TAMM41: variants seen among roughly 807,000 people sequenced by gnomAD.
TAMM41 encodes TAM41 mitochondrial translocator assembly and maintenance homolog.
TAMM41 carries 36 observed loss-of-function variants against 44.1 expected under a neutral mutation model. The ratio of observed to expected loss-of-function variants is 0.82; its 90% CI spans 0.63 to 1.08. The LOEUF (loss-of-function observed/expected upper bound fraction) is 1.08. TAMM41 is among the 50% of genes least tolerant of loss of function. The pLI is 0.00. For missense variants in TAMM41, 417 were observed against 404.3 expected (o/e 1.03, Z -0.27); for synonymous variants, 164 against 153.1 (o/e 1.07, Z -0.53).
At chr3:11,766,851 G>A in the TAMM41 span, among the ~76,000 whole-genome samples, 2 of 152,106 alleles carry the variant, frequency 1.3e-5, no homozygotes. Context: ...TTACAGGTGT[G>A]AGCCACTGCA....
the TAMM41 span, among the ~76,000 whole-genome samples, chr3:11,769,223 G>T: frequency 6.6e-6 from 1 of 152,322 alleles, no homozygotes; most frequent in Non-Finnish European, 1.5e-5. Flanking sequence ...CTGAGTAGCT[G>T]GGATTACAGG....
At chr3:11,827,634 A>AG (rs1256676019) in intron 4 of TAMM41, among the ~76,000 whole-genome samples, 1 of 134,776 alleles carries the variant, frequency 7.4e-6, no homozygotes, top group Non-Finnish European at 1.5e-5. Context: ...AACAGAAAAG[A>AG]GGAAAAAAAA....
the TAMM41 span, among the ~76,000 whole-genome samples, chr3:11,754,633 A>C: frequency 6.6e-6 from 1 of 151,544 alleles, no homozygotes; most frequent in Non-Finnish European, 1.5e-5. Context: ...ACTCCCAAAA[A>C]TGCTGGGATT....
At chr3:11,764,288 G>T in the TAMM41 span, among the ~76,000 whole-genome samples, 1 of 151,184 alleles carries the variant, frequency 6.6e-6, no homozygotes, top group South Asian at 2.1e-4. Context: ...GAGCCATGGC[G>T]CCCAGACCTG....
the TAMM41 span, among the ~76,000 whole-genome samples, chr3:11,752,274 C>T: frequency 6.6e-6 from 1 of 151,950 alleles, no homozygotes; most frequent in Non-Finnish European, 1.5e-5. Context: ...TGACAGGGGC[C>T]CAAAGAGTGA....
chr3:11,806,179 G>A (rs1477553008), intron 7 of TAMM41, among the ~76,000 whole-genome samples: 1 of 152,176 alleles, frequency 6.6e-6, no homozygotes, highest in African/African-American at 2.4e-5. Context: ...TTTATTAGCA[G>A]CATGAGAACA....
the TAMM41 span, among the ~76,000 whole-genome samples, chr3:11,722,723 C>A: frequency 6.6e-6 from 1 of 152,110 alleles, no homozygotes; most frequent in Non-Finnish European, 1.5e-5. Context: ...GTAATCCCAG[C>A]ACTTTGGGAG....
intron 4 of TAMM41, among the ~76,000 whole-genome samples, chr3:11,829,278 C>G (rs971139229): frequency 3.3e-5 from 5 of 152,080 alleles, no homozygotes; most frequent in Non-Finnish European, 7.4e-5. Context: ...AATCAACTGT[C>G]TGGGGTAGGG....
the TAMM41 span, among the ~76,000 whole-genome samples, chr3:11,784,869 C>T: frequency 6.2e-5 from 9 of 144,748 alleles, no homozygotes; most frequent in African/African-American, 1.8e-4. Flanking sequence ...GTGGCGCAAT[C>T]GTGGCTCACT....
chr3:11,791,278 G>A (rs2077471848), intron 7 of TAMM41, among the ~76,000 whole-genome samples: 1 of 152,206 alleles, frequency 6.6e-6, no homozygotes, highest in South Asian at 2.1e-4. Context: ...GAAATGACAA[G>A]ACAAATGTGC....
chr3:11,774,154 T>C, the TAMM41 span, among the ~76,000 whole-genome samples: 1 of 152,148 alleles, frequency 6.6e-6, no homozygotes, highest in Non-Finnish European at 1.5e-5. Context: ...CAAAGGAAGC[T>C]ATAATTTCCA....
At chr3:11,819,434 T>A (rs375412245) in intron 4 of TAMM41, among the ~76,000 whole-genome samples, 8 of 152,206 alleles carry the variant, frequency 5.3e-5, no homozygotes, top group Middle Eastern at 3.2e-3. Context: ...ACTACATATA[T>A]AAAATTGCTC....
intron 5 of TAMM41, chr3:11,810,041 T>C (rs1305190834): frequency 5.2e-6 from 1 of 191,168 alleles, no homozygotes; most frequent in Non-Finnish European, 1.1e-5. Flanking sequence ...CCGCGTCAAA[T>C]CCAGGCACTG....
chr3:11,789,592 A>C (rs1376201769), downstream of TAMM41, among the ~76,000 whole-genome samples: 3 of 152,202 alleles, frequency 2.0e-5, no homozygotes, highest in African/African-American at 7.2e-5. Flanking sequence ...CTGGTGGCTC[A>C]GGCCTGAGCC....
the TAMM41 span, among the ~76,000 whole-genome samples, chr3:11,757,834 C>T: frequency 5.3e-5 from 8 of 152,356 alleles, no homozygotes; most frequent in South Asian, 1.5e-3. Context: ...CTGAGAGCCT[C>T]TTTCTAATCC....
chr3:11,755,443 G>A, the TAMM41 span, among the ~76,000 whole-genome samples: 30,593 of 152,010 alleles, frequency 0.2, 3,720 homozygotes, highest in African/African-American at 0.34. Flanking sequence ...CAAGACCAGA[G>A]GCTTTGTTTC....
intron 7 of TAMM41, among the ~76,000 whole-genome samples, chr3:11,806,131 C>T (rs2077902644): frequency 6.6e-6 from 1 of 152,206 alleles, no homozygotes; most frequent in Non-Finnish European, 1.5e-5. Flanking sequence ...ATCAATTAAA[C>T]CTCTTTCCTT....
At chr3:11,836,245 C>G (rs2079170642) in intron 3 of TAMM41, among the ~76,000 whole-genome samples, 2 of 152,150 alleles carry the variant, frequency 1.3e-5, no homozygotes, top group African/African-American at 4.8e-5. Flanking sequence ...TCTGCCTCAG[C>G]CTCCCAAAGT....
At chr3:11,732,825 G>A in the TAMM41 span, among the ~76,000 whole-genome samples, 1 of 152,062 alleles carries the variant, frequency 6.6e-6, no homozygotes, top group Non-Finnish European at 1.5e-5. Context: ...ATGGAAGGAT[G>A]GAAGGAAGGC....
Sources: allele counts gnomAD v4.1 joint callset (sites outside exome capture counted in the v4.1 genomes callset), GRCh38; gene constraint gnomAD v4.1.1; transcripts MANE v1.5; gene names NCBI Gene and HGNC (gene_info 2026-07-23, HGNC 2026-07-21).